TNFRSF11A: variants seen among roughly 807,000 people sequenced by gnomAD.
The protein encoded by TNFRSF11A is tumor necrosis factor receptor superfamily member 11A.
Under a neutral mutation model 55.7 loss-of-function variants are expected in TNFRSF11A, and 32 were observed. That is an observed-to-expected ratio of 0.57 (90% CI 0.43 to 0.77). TNFRSF11A has a LOEUF of 0.77. Among genes scored for constraint, TNFRSF11A ranks in the 30% least tolerant of loss-of-function variants. The probability of loss-of-function intolerance (pLI) is 0.00; values close to 1 mark genes in which losing one functional copy is unlikely to be tolerated. For missense variants in TNFRSF11A, 753 were observed against 809.8 expected (o/e 0.93, Z 0.85); for synonymous variants, 311 against 331.0 (o/e 0.94, Z 0.65).
chr18:62,380,456 TGAGA>T (rs1911194650), intron 9 of TNFRSF11A, among the ~76,000 whole-genome samples: 1 of 150,174 alleles, frequency 6.7e-6, no homozygotes, highest in Non-Finnish European at 1.5e-5. Flanking sequence ...TTTTTTTTTT[TGAGA>T]GAGTCTCACT....
At chr18:62,364,778 G>A (rs1267349537) in intron 7 of TNFRSF11A, among the ~76,000 whole-genome samples, 1 of 152,108 alleles carries the variant, frequency 6.6e-6, no homozygotes, top group Non-Finnish European at 1.5e-5. Context: ...TATTTTGCGT[G>A]TACTACGTAC....
intron 9 of TNFRSF11A, among the ~76,000 whole-genome samples, chr18:62,376,000 A>C (rs1238347159): frequency 2.0e-5 from 3 of 152,158 alleles, no homozygotes; most frequent in African/African-American, 7.2e-5. Context: ...TGCTGATTTC[A>C]TTTATTTACT....
At chr18:62,341,835 G>GTT (rs1568475429) in intron 1 of TNFRSF11A, among the ~76,000 whole-genome samples, 74 of 68,796 alleles carry the variant, frequency 1.1e-3, no homozygotes, top group African/African-American at 3.6e-3. Context: ...GCTGAGAATG[G>GTT]CTTTTTTTTT....
intron 5 of TNFRSF11A, among the ~76,000 whole-genome samples, chr18:62,359,613 A>G (rs1909521835): frequency 6.6e-6 from 1 of 152,184 alleles, no homozygotes; most frequent in African/African-American, 2.4e-5. Context: ...TCCTGGGCTC[A>G]AGCAATCTTC....
chr18:62,349,667 T>G, intron 2 of TNFRSF11A, 145 bp from the exon 3 acceptor site: 3 of 913,162 alleles, frequency 3.3e-6, no homozygotes, highest in Non-Finnish European at 5.2e-6. Context: ...CTGTGTCATA[T>G]TGTCTTTGGG....
chr18:62,360,919 C>T (rs930370291), intron 6 of TNFRSF11A, among the ~76,000 whole-genome samples: 8 of 152,206 alleles, frequency 5.3e-5, no homozygotes, highest in Non-Finnish European at 1.0e-4. Context: ...ACAGAATAAC[C>T]GGGTTAACAA....
Position 62,358,270 on chromosome 18 carries a change from G to A in TNFRSF11A, c.450G>A (p.Val150=), listed in dbSNP as rs886042486. The A allele has an allele frequency of 3.1e-6, 5 of 1,598,808 alleles. No homozygotes were observed. Among genetic ancestry groups the A allele is most frequent in the African/African-American group, 2.7e-5 (2 of 73,980 alleles). ...CAGTGCAGCTCAACAAGGACACAGT[G>A]TGCAAACCTTGCCTTGCAGGCTACT... ...QHPLQLNKDT[V]CKPCLAGYFS... is the part of the protein sequence containing the mutation. The change falls in exon 5 of 10, where the codon GTG becomes GTA. Residue 150 remains valine, a synonymous_variant. Coordinates refer to ENST00000586569, the MANE Select transcript of TNFRSF11A (RefSeq NM_003839.4).
In TNFRSF11A at chr18:62,348,045, G is replaced by GCGAA. The variant is rs2046410056; in HGVS notation, c.76-122_76-119dup. ...TTGCACTCCAGCCTGGGCAACAAGA[G>GCGAA]CGAAACTCCATTCAAAAAAAAAAAA... On this transcript the variant is annotated intron_variant, in intron 1 of 9. Transcript: ENST00000586569. 3.8e-6 allele frequency: 3 copies of GCGAA among 788,514 alleles called. No homozygotes were observed. The South Asian group carries it at 4.5e-5, about 12-fold the overall frequency. The allele number at this position is 788,514 out of a possible 1,614,324, so 48.8% of individuals were successfully genotyped here.
rs1182384663 is a variant in TNFRSF11A, at chr18:62,349,997, A to G, written c.283+60A>G. On this transcript the variant is annotated intron_variant, in intron 3 of 9. Coordinates refer to ENST00000586569, the MANE Select transcript of TNFRSF11A (RefSeq NM_003839.4). ...GTAGAAACCTCAGACCTCTTTTTCT[A>G]TAGAAACATTTTTAGAGGCAGCCAA... The G allele has an allele frequency of 5.0e-6, 8 of 1,605,574 alleles. No homozygotes were observed. The African/African-American group carries it at 6.7e-5, about 13-fold the overall frequency.
At chr18:62,382,392 T>A (rs1911357342) in intron 9 of TNFRSF11A, among the ~76,000 whole-genome samples, 1 of 152,190 alleles carries the variant, frequency 6.6e-6, no homozygotes, top group South Asian at 2.1e-4. Context: ...ATTACAGGCG[T>A]GAGCCACCGC....
At chr18:62,384,523 C>T (rs1187582064) in intron 9 of TNFRSF11A, among the ~76,000 whole-genome samples, 2 of 150,434 alleles carry the variant, frequency 1.3e-5, no homozygotes, top group Non-Finnish European at 3.0e-5. Context: ...CTTCCTCTCC[C>T]CGCCTCTTCT....
intron 7 of TNFRSF11A, among the ~76,000 whole-genome samples, chr18:62,362,036 T>A (rs990351727): frequency 2.0e-5 from 3 of 152,214 alleles, no homozygotes; most frequent in Non-Finnish European, 4.4e-5. Context: ...ACGGATGACT[T>A]GTAAGCTCTG....
intron 1 of TNFRSF11A, among the ~76,000 whole-genome samples, chr18:62,337,696 T>C (rs1241495583): frequency 1.3e-5 from 2 of 152,168 alleles, no homozygotes; most frequent in African/African-American, 4.8e-5. Context: ...CCACCTTACA[T>C]AGATTGTTTC....
rs1911883262 is a variant in TNFRSF11A, at chr18:62,388,795, C to A, written c.*3761C>A. 1 of 152,244 alleles carries A rather than the reference C, an allele frequency of 6.6e-6. No homozygotes were observed. Among genetic ancestry groups the A allele is most frequent in the South Asian group, 2.1e-4 (1 of 4,838 alleles). 9.4% of individuals were successfully genotyped at this position (152,244 alleles called of 1,614,324 possible). A position where few individuals can be genotyped will look rare whatever the true frequency, so the allele number is the denominator to read the frequency against. On this transcript the variant is annotated 3_prime_UTR_variant, in exon 10 of 10. Coordinates refer to ENST00000586569, the MANE Select transcript of TNFRSF11A (RefSeq NM_003839.4). Reference sequence around the variant, plus strand: ...TTTGGCACAGAAAACTGAAAAGTCACAACTTCTAAAATCAAGAAAACTGGT... The same window carrying A: ...TTTGGCACAGAAAACTGAAAAGTCAAAACTTCTAAAATCAAGAAAACTGGT...
At chr18:62,342,161 G>A (rs1054672920) in intron 1 of TNFRSF11A, among the ~76,000 whole-genome samples, 2 of 151,862 alleles carry the variant, frequency 1.3e-5, no homozygotes, top group African/African-American at 4.8e-5. Flanking sequence ...AGCACTTTGG[G>A]AGGCTGAGGT....
At position 62,385,148 on chromosome 18, in the gene TNFRSF11A, C is replaced by T. The variant is rs1911628977; in HGVS notation, c.*114C>T. 8.2e-7 allele frequency: 1 copy of T among 1,214,288 alleles called. No homozygotes were observed. The highest frequency in any genetic ancestry group is 1.1e-6 in the Non-Finnish European group (1 of 937,712). 75.2% of individuals were successfully genotyped at this position (1,214,288 alleles called of 1,614,324 possible). On this transcript the variant is annotated 3_prime_UTR_variant, in exon 10 of 10. Transcript: ENST00000586569. ...GATCGATCGGTACAGTCGAGGAAGACCACCCGGCATTCTCTGCCCACTTTG... is the reference window on the plus strand; with the variant it reads ...GATCGATCGGTACAGTCGAGGAAGATCACCCGGCATTCTCTGCCCACTTTG...
chr18:62,354,545 G>A lies in TNFRSF11A; in HGVS notation c.427+11G>A. The A allele has an allele frequency of 6.2e-7, 1 of 1,602,444 alleles. No individual in the cohort carries two copies. Among genetic ancestry groups the A allele is most frequent in the South Asian group, 1.1e-5 (1 of 91,038 alleles). Reference sequence around the variant, plus strand: ...GCGCCCAGCACCCGTGTACGGGTTGGATGTGTGCGTCTGTCGGCTCTTGCT... The same window carrying A: ...GCGCCCAGCACCCGTGTACGGGTTGAATGTGTGCGTCTGTCGGCTCTTGCT... On this transcript the variant is annotated intron_variant, in intron 4 of 9. Transcript: ENST00000586569.
At chr18:62,372,160 A>T (rs1910599875) in intron 9 of TNFRSF11A, among the ~76,000 whole-genome samples, 2 of 152,186 alleles carry the variant, frequency 1.3e-5, no homozygotes, top group African/African-American at 2.4e-5. Flanking sequence ...CCATGTTATA[A>T]GTCCTAAGAA....
intron 9 of TNFRSF11A, among the ~76,000 whole-genome samples, chr18:62,375,977 T>C (rs767813993): frequency 2.0e-5 from 3 of 152,188 alleles, no homozygotes; most frequent in Non-Finnish European, 4.4e-5. Flanking sequence ...TCCTCTTAAG[T>C]CAGTGCAAGT....
Sources: allele counts gnomAD v4.1 joint callset (sites outside exome capture counted in the v4.1 genomes callset), GRCh38; gene constraint gnomAD v4.1.1; transcripts MANE v1.5; gene names NCBI Gene and HGNC (gene_info 2026-07-23, HGNC 2026-07-21).